Variants in PARP8 observed in about 807,000 individuals in gnomAD.
PARP8 encodes the protein poly(ADP-ribose) polymerase family member 8, also known as protein mono-ADP-ribosyltransferase PARP8.
Under a neutral mutation model 124.1 loss-of-function variants are expected in PARP8, and 51 were observed. The observed-to-expected ratio is 0.41, with a 90% CI of 0.33 to 0.52. PARP8 has a LOEUF of 0.52. Ranked by LOEUF, PARP8 falls within the 20% of genes least tolerant of loss-of-function variation. The pLI is 0.21. For missense variants in PARP8, 860 were observed against 1,018.9 expected, an observed-to-expected ratio of 0.84 and a Z score of 2.12; for synonymous variants, 391 against 361.5, an observed-to-expected ratio of 1.08 and a Z score of -0.93.
chr5:50,786,919 T>C (rs1287014813), intron 9 of PARP8, among the ~76,000 whole-genome samples: 8 of 152,192 alleles, frequency 5.3e-5, no homozygotes, highest in African/African-American at 2.4e-5. Context: ...GCTGGGCTTC[T>C]CCAATTGCCT....
chr5:50,822,717 A>G (rs867024005), intron 17 of PARP8, among the ~76,000 whole-genome samples: 1 of 152,204 alleles, frequency 6.6e-6, no homozygotes, highest in Non-Finnish European at 1.5e-5. Flanking sequence ...GTCAATTTTA[A>G]TTGATGGTAG....
At chr5:50,806,043 C>T (rs1027536384) in intron 14 of PARP8, among the ~76,000 whole-genome samples, 1 of 152,006 alleles carries the variant, frequency 6.6e-6, no homozygotes, top group Non-Finnish European at 1.5e-5. Context: ...ATTTCTACCA[C>T]AAAAGATAAT....
At chr5:50,752,148 T>C (rs1759329044) in intron 3 of PARP8, among the ~76,000 whole-genome samples, 1 of 152,124 alleles carries the variant, frequency 6.6e-6, no homozygotes, top group Non-Finnish European at 1.5e-5. Context: ...ATTAAATCTT[T>C]ATCAAACTAT....
At chr5:50,710,882 C>T (rs1754703816) in intron 2 of PARP8, among the ~76,000 whole-genome samples, 1 of 152,138 alleles carries the variant, frequency 6.6e-6, no homozygotes, top group Non-Finnish European at 1.5e-5. Context: ...TACCTAGCCA[C>T]AGTGTATCTG....
chr5:50,798,775 T>A (rs988785632), intron 14 of PARP8, among the ~76,000 whole-genome samples: 1 of 152,182 alleles, frequency 6.6e-6, no homozygotes. Flanking sequence ...CTTATGCACT[T>A]CCCTGATGAC....
chr5:50,784,047 C>T (rs958493186), intron 9 of PARP8, among the ~76,000 whole-genome samples: 5 of 151,966 alleles, frequency 3.3e-5, no homozygotes, highest in African/African-American at 7.2e-5. Flanking sequence ...TTTAAAAAAT[C>T]GGTGATTTAA....
chr5:50,772,906 C>T (rs185509881), intron 7 of PARP8, among the ~76,000 whole-genome samples: 98 of 152,162 alleles, frequency 6.4e-4, no homozygotes, highest in Non-Finnish European at 9.6e-4. Flanking sequence ...GCCATGTTGG[C>T]TGGGCTGGTC....
intron 7 of PARP8, among the ~76,000 whole-genome samples, chr5:50,771,791 A>G (rs1238637875): frequency 1.3e-5 from 2 of 152,232 alleles, no homozygotes; most frequent in Non-Finnish European, 2.9e-5. Flanking sequence ...CAATACATAT[A>G]TACATTGTGT....
At chr5:50,705,933 C>A (rs1243564504) in intron 2 of PARP8, among the ~76,000 whole-genome samples, 4 of 152,080 alleles carry the variant, frequency 2.6e-5, no homozygotes, top group African/African-American at 9.7e-5. Flanking sequence ...AGGTTTTCAC[C>A]CATTTATCAT....
intron 25 of PARP8, among the ~76,000 whole-genome samples, chr5:50,839,381 T>C (rs774085201): frequency 6.6e-6 from 1 of 152,022 alleles, no homozygotes; most frequent in Non-Finnish European, 1.5e-5. Flanking sequence ...AAAAGAACTT[T>C]ACTCTTAAAT....
At chr5:50,796,883 A>T in intron 12 of PARP8, 99 bp from the exon 13 acceptor site, 2 of 1,020,692 alleles carry the variant, frequency 2.0e-6, no homozygotes, top group Non-Finnish European at 2.8e-6. Context: ...GTGATCTTAA[A>T]TCACTTTCGT....
rs148589103 is a variant in PARP8, at chr5:50,807,676, T to C, written c.1576-7756T>C. On this transcript the variant is annotated intron_variant, in intron 14 of 25. Transcript: ENST00000281631. ...TCAATCGTGGATTGGTATAATGGTG[T>C]GAACTGCTGAACTCTGCTAGAGAAA... Among the ~76,000 whole-genome samples the C allele has an allele frequency of 1.8e-3, 270 of 152,226 alleles. 1 individual carries two copies. Among genetic ancestry groups the C allele is most frequent in the African/African-American group, 6.2e-3 (258 of 41,564 alleles).
chr5:50,778,964 T>C (rs546882270), intron 9 of PARP8, among the ~76,000 whole-genome samples: 1 of 152,304 alleles, frequency 6.6e-6, no homozygotes, highest in Admixed American at 6.5e-5. Flanking sequence ...TTTCCTTAGA[T>C]ATAATTATTT....
chr5:50,772,600 T>C (rs1000459794), intron 7 of PARP8, among the ~76,000 whole-genome samples: 4 of 152,212 alleles, frequency 2.6e-5, no homozygotes, highest in Non-Finnish European at 5.9e-5. Context: ...GCCCTGATGA[T>C]TAGTGATGTT....
intron 7 of PARP8, among the ~76,000 whole-genome samples, chr5:50,768,543 T>TA (rs1290229259): frequency 6.6e-6 from 1 of 152,122 alleles, no homozygotes; most frequent in African/African-American, 2.4e-5. Flanking sequence ...TCCCTCATAT[T>TA]AAAAAAATTT....
At chr5:50,810,804 T>C (rs1353322069) in intron 14 of PARP8, among the ~76,000 whole-genome samples, 1 of 152,116 alleles carries the variant, frequency 6.6e-6, no homozygotes. Context: ...TTGAACCTTC[T>C]AGTAAAAATG....
intron 22 of PARP8, among the ~76,000 whole-genome samples, chr5:50,831,932 G>T (rs1747032849): frequency 6.6e-6 from 1 of 152,136 alleles, no homozygotes; most frequent in South Asian, 2.1e-4. Flanking sequence ...AAGTGTAGGG[G>T]TAAGAGAACA....
chr5:50,762,730 A>G (rs1456451734), intron 6 of PARP8, among the ~76,000 whole-genome samples: 1 of 152,232 alleles, frequency 6.6e-6, no homozygotes, highest in Non-Finnish European at 1.5e-5. Context: ...ATGTCTTTCT[A>G]GCAATAAGAT....
intron 10 of PARP8, among the ~76,000 whole-genome samples, chr5:50,792,691 T>A (rs1373694854): frequency 6.6e-6 from 1 of 152,080 alleles, no homozygotes; most frequent in Non-Finnish European, 1.5e-5. Flanking sequence ...TAAAAAAAAA[T>A]TCAAACATGA....
Sources: gnomAD v4.1 joint callset for allele counts (sites outside exome capture counted in the v4.1 genomes callset) on GRCh38, gnomAD v4.1.1 for gene constraint, MANE v1.5 for transcripts, NCBI Gene and HGNC (gene_info 2026-07-23, HGNC 2026-07-21) for gene names.